The following SLX4 variants were observed in gnomAD, a reference collection of about 807,000 sequenced individuals.
The protein encoded by SLX4 is SLX4 structure-specific endonuclease subunit, also known as structure-specific endonuclease subunit SLX4.
Under a neutral mutation model 146.2 loss-of-function variants are expected in SLX4, and 112 were observed. The observed-to-expected ratio is 0.77, with a 90% confidence interval of 0.66 to 0.90. The LOEUF (loss-of-function observed/expected upper bound fraction) is 0.90, where lower values mean the gene tolerates loss of function less well. SLX4 is among the 40% of genes least tolerant of loss of function. The pLI, the probability that SLX4 is intolerant of heterozygous loss-of-function variation, is 0.00. For missense variants in SLX4, 2,563 were observed against 2,392.7 expected (o/e 1.07, Z -1.49); for synonymous variants, 1,061 against 997.7 (o/e 1.06, Z -1.20).
chr16:3,592,742 G>A lies in SLX4; in HGVS notation c.2284C>T (p.Leu762Phe). Reference sequence around the variant, plus strand: ...AGCTCAGAGCTAAGGCCAGGAGGAAGGCCAGTGTCCGCAGTGTAGAGATAG... The same window carrying A: ...AGCTCAGAGCTAAGGCCAGGAGGAAAGCCAGTGTCCGCAGTGTAGAGATAG... ...LHYLYTADTG[L>F]PPGLSSELSS... The change falls in exon 11 of 15, where the codon CTT becomes TTT. Residue 762 changes from leucine to phenylalanine, a missense_variant. Coordinates refer to ENST00000294008, the MANE Select transcript of SLX4 (RefSeq NM_032444.4). The A allele has an allele frequency of 6.2e-7, 1 of 1,613,424 alleles. No homozygotes were observed. Among genetic ancestry groups the A allele is most frequent in the Non-Finnish European group, 8.5e-7 (1 of 1,180,022 alleles).
chr16:3,608,523 G>C lies in SLX4; in HGVS notation c.442C>G (p.Pro148Ala). ...NGEGGVLASA[P>A]DPPVLRETAQ... ...GTTTCCCGGAGCACAGGTGGATCTG[G>C]AGCAGAGGCAAGCACACCCCCCTCC... is the stretch of plus-strand genomic sequence containing the variant. Residue 148 changes from proline to alanine, a missense_variant, in exon 2 of 15, where the codon CCA becomes GCA. Pro to Ala is a conservative substitution (Grantham distance 27, BLOSUM62 -1). Transcript: ENST00000294008. 2.5e-6 allele frequency: 4 copies of C among 1,614,188 alleles called. No homozygotes were observed. The highest frequency in any genetic ancestry group is 3.4e-6 in the Non-Finnish European group (4 of 1,180,048).
chr16:3,608,380 G>A (rs755068182), intron 2 of SLX4, 50 bp downstream of exon 2: 1 of 1,599,876 alleles, frequency 6.3e-7, no homozygotes. Flanking sequence ...TTACGATCTG[G>A]CCCTTTCCAG....
Position 3,604,817 on chromosome 16 carries a change from C to CT in SLX4, c.760+1656dup, listed in dbSNP as rs1374153743. Among the ~76,000 whole-genome samples, 51 of 106,984 alleles carry CT rather than the reference C, an allele frequency of 4.8e-4. 1 individual carries two copies. Among genetic ancestry groups the CT allele is most frequent in the African/African-American group, 2.1e-3 (51 of 24,770 alleles). The allele number at this position is 106,984 out of a possible 152,430, so 70.2% of individuals were successfully genotyped here. A position where few individuals can be genotyped will look rare whatever the true frequency, so the allele number is the denominator to read the frequency against. On this transcript the variant is annotated intron_variant, in intron 3 of 14. Transcript: ENST00000294008. Reference sequence around the variant, plus strand: ...CCTGGGAGACAGACCAAGACTCCATCTCAAAAAAAAAAAAAAATGTATATT... The same window carrying CT: ...CCTGGGAGACAGACCAAGACTCCATCTTCAAAAAAAAAAAAAAATGTATATT...
rs76833246 is a variant in SLX4 at position 3,607,347 on chromosome 16, A to G, written c.536-649T>C. On this transcript the variant is annotated intron_variant, in intron 2 of 14. Coordinates refer to ENST00000294008, the MANE Select transcript of SLX4 (RefSeq NM_032444.4). ...CTGAGACTCTACCACCACTCTACTG[A>G]GAGGTTATTAAGATCAGGAAGTGAG... Among the ~76,000 whole-genome samples, 1,417 of 152,284 alleles carry G rather than the reference A, an allele frequency of 9.3e-3. 21 individuals carry two copies. Among genetic ancestry groups the G allele is most frequent in the African/African-American group, 0.033 (1,356 of 41,564 alleles).
rs112022398 is a variant in SLX4, at chr16:3,589,597, G to A, written c.4041C>T (p.His1347=). Residue 1347 remains histidine, a synonymous_variant, in exon 12 of 15, where the codon CAC becomes CAT. Transcript: ENST00000294008. The surrounding 1 kb of genome is among the most constrained non-coding windows in gnomAD (Gnocchi z 6.2). ...GAGAGGAGTGCGGGTGGCCCCCGGGGTGGGGACGGGAAGGGCTTCTGTGGC... is the reference window on the plus strand; with the variant it reads ...GAGAGGAGTGCGGGTGGCCCCCGGGATGGGGACGGGAAGGGCTTCTGTGGC... ...RQGHRSPSRP[H]PGGHPHSSPL... is the part of the protein sequence containing the mutation. The A allele has an allele frequency of 1.2e-6, 2 of 1,613,714 alleles. No homozygotes were observed. Among genetic ancestry groups the A allele is most frequent in the African/African-American group, 1.3e-5 (1 of 75,040 alleles).
chr16:3,594,382 C>A, intron 10 of SLX4, 71 bp downstream of exon 10: 2 of 1,559,804 alleles, frequency 1.3e-6, no homozygotes, highest in Non-Finnish European at 1.7e-6. Context: ...ATGGGAAGAC[C>A]TGGTTGGAGA....
In SLX4 at chr16:3,596,190, G is replaced by A. The variant is rs762862604; in HGVS notation, c.1887C>T (p.Pro629=). 2.6e-5 allele frequency: 40 copies of A among 1,550,970 alleles called. No homozygotes were observed. Among genetic ancestry groups the A allele is most frequent in the African/African-American group, 2.0e-4 (15 of 73,224 alleles). ...AREGLSASPW[P]GSGGLAGSEG... ...CCGAGCCAGCCAGGCCCCCACTGCC[G>A]GGCCACGGGCTGGCGCTCAGTCCCT... The change falls in exon 8 of 15, where the codon CCC becomes CCT. Residue 629 remains proline (P), a synonymous_variant. Coordinates refer to ENST00000294008, the MANE Select transcript of SLX4 (RefSeq NM_032444.4).
intron 1 of SLX4, among the ~76,000 whole-genome samples, chr16:3,611,341 T>C (rs113362770): frequency 8.5e-5 from 13 of 152,276 alleles, no homozygotes; most frequent in African/African-American, 2.9e-4. Flanking sequence ...GGGATCCGGA[T>C]CCGCCACCCT....
Position 3,599,321 on chromosome 16 carries a change from C to T in SLX4, c.1164-1322G>A, listed in dbSNP as rs1176197263. 3.3e-5 allele frequency among the ~76,000 whole-genome samples: 5 copies of T among 152,340 alleles called. No individual in the cohort carries two copies. In the East Asian group the frequency reaches 7.7e-4, roughly 24 times the overall value. On this transcript the variant is annotated intron_variant, in intron 5 of 14. Coordinates refer to ENST00000294008, the MANE Select transcript of SLX4 (RefSeq NM_032444.4). ...GCTATCGCCTTTGGCCTTCCCTTTG[C>T]TCCTGACAGCGGTCTCAAACCTGGA...
chr16:3,582,380 G>T lies in SLX4; in HGVS notation c.5467C>A (p.Arg1823=), dbSNP rs771230395. Residue 1823 remains arginine (R), a synonymous_variant, in exon 15 of 15, where the codon CGG becomes AGG. Coordinates refer to ENST00000294008, the MANE Select transcript of SLX4 (RefSeq NM_032444.4). Reference sequence around the variant, plus strand: ...ACCTTCTTCTTGCCCCGAGGCTGCCGCCTCCTGCCCTGGAGCTTCTCCCTG... The same window carrying T: ...ACCTTCTTCTTGCCCCGAGGCTGCCTCCTCCTGCCCTGGAGCTTCTCCCTG... ...TRREKLQGRR[R]QPRGKKKVER... The T allele has an allele frequency of 6.2e-7, 1 of 1,613,574 alleles. No homozygotes were observed. The highest frequency in any genetic ancestry group is 8.5e-7 in the Non-Finnish European group (1 of 1,180,040).
In SLX4 at chr16:3,582,610, G is replaced by A. The variant is rs528519471; in HGVS notation, c.5237C>T (p.Ala1746Val). Residue 1746 changes from alanine to valine, a missense_variant, in exon 15 of 15, where the codon GCC becomes GTC. By Grantham distance (64) the Ala-to-Val change is moderately conservative. Transcript: ENST00000294008. Reference sequence around the variant, plus strand: ...CTCGTCTGTGTCCGCCGCCTGCACGGCTGCCTGCGAGGCACTGACCTCCCC... The same window carrying A: ...CTCGTCTGTGTCCGCCGCCTGCACGACTGCCTGCGAGGCACTGACCTCCCC... ...GEGEVSASQA[A>V]VQAADTDEAL... 3.3e-5 allele frequency: 54 copies of A among 1,613,506 alleles called. 1 individual carries two copies. In the South Asian group the frequency reaches 5.8e-4, roughly 17 times the overall value.
At position 3,606,605 on chromosome 16, in the gene SLX4, A is replaced by G. The variant is rs957576825; in HGVS notation, c.629T>C (p.Leu210Pro). The G allele has an allele frequency of 2.5e-6, 4 of 1,614,228 alleles. No individual in the cohort carries two copies. In the East Asian group the frequency reaches 8.9e-5, roughly 36 times the overall value. The change falls in exon 3 of 15, where the codon CTA (leucine) becomes CCA (proline). Residue 210 changes from leucine (L) to proline (P), a missense_variant. Coordinates refer to ENST00000294008, the MANE Select transcript of SLX4 (RefSeq NM_032444.4). ...TCTCTTGAACTGCTGCATTCGCTGT[A>G]GGACCAATTGTGCTGTGCGGGGTTT... The part of the protein sequence containing the change: ...PSKPRTAQLV[L>P]QRMQQFKRAD...
chr16:3,583,844 A>G (rs947332491), intron 13 of SLX4, among the ~76,000 whole-genome samples: 4 of 152,006 alleles, frequency 2.6e-5, no homozygotes, highest in African/African-American at 2.4e-5. Context: ...CTCTACAAAA[A>G]ATACAAAAAT....
Position 3,590,966 on chromosome 16 carries a change from A to G in SLX4, c.2672T>C (p.Leu891Pro), listed in dbSNP as rs1206280483. ...CTGTTTCTGCACCTGGACACCTGCT[A>G]GGAGTTGCCCAGAAACCGGACTGCC... Reference protein sequence around the residue: ...EGGSPVSGQLLAGVQVQKQWD... With the variant: ...EGGSPVSGQLPAGVQVQKQWD... The change falls in exon 12 of 15, where the codon CTA becomes CCA. Residue 891 changes from leucine to proline, a missense_variant. Leu to Pro is a moderately conservative substitution (Grantham distance 98, BLOSUM62 -3). Coordinates refer to ENST00000294008, the MANE Select transcript of SLX4 (RefSeq NM_032444.4). The surrounding 1 kb of genome is among the most constrained non-coding windows in gnomAD (Gnocchi z 4.8). 1.2e-6 allele frequency: 2 copies of G among 1,614,018 alleles called. No individual in the cohort carries two copies. The highest frequency in any genetic ancestry group is 2.7e-5 in the African/African-American group (2 of 74,922).
chr16:3,583,044 C>T (rs745341094), intron 14 of SLX4, 53 bp downstream of exon 14: 2 of 1,607,878 alleles, frequency 1.2e-6, no homozygotes, highest in Non-Finnish European at 1.7e-6. Context: ...CCCTCACGCC[C>T]ACGGGCCAGA....
In SLX4 at chr16:3,604,882, T is replaced by C. The variant is rs371565501; in HGVS notation, c.760+1592A>G. Among the ~76,000 whole-genome samples the C allele has an allele frequency of 1.3e-4, 19 of 150,974 alleles. No homozygotes were observed. The East Asian group carries it at 2.5e-3, about 20-fold the overall frequency. ...CAAATGGCCAAATGTTAACATTTGT[T>C]AAATCTAGATTGAGGTATAGGGGAT... On this transcript the variant is annotated intron_variant, in intron 3 of 14. Coordinates refer to ENST00000294008, the MANE Select transcript of SLX4 (RefSeq NM_032444.4).
At chr16:3,593,418 G>A (rs956987046) in intron 10 of SLX4, among the ~76,000 whole-genome samples, 2 of 152,104 alleles carry the variant, frequency 1.3e-5, no homozygotes, top group African/African-American at 4.8e-5. Context: ...GGCTCTCACT[G>A]TGTTGTTCAG....
intron 10 of SLX4, among the ~76,000 whole-genome samples, chr16:3,593,235 C>A (rs572129227): frequency 6.6e-6 from 1 of 152,234 alleles, no homozygotes; most frequent in Admixed American, 6.5e-5. Context: ...CCATGCCCGG[C>A]TAATTTTTTA....
chr16:3,601,689 C>T (rs1375408642), intron 4 of SLX4: 3 of 304,814 alleles, frequency 9.8e-6, no homozygotes, highest in Non-Finnish European at 1.9e-5. Flanking sequence ...CATGGATGAA[C>T]CTCAAAAACA....
Sources: allele counts gnomAD v4.1 joint callset (sites outside exome capture counted in the v4.1 genomes callset), GRCh38; gene constraint gnomAD v4.1.1; non-coding constraint Gnocchi (gnomAD v3.1); transcripts MANE v1.5; gene names NCBI Gene and HGNC (gene_info 2026-07-23, HGNC 2026-07-21).